Variants in UBE2E1 observed in about 807,000 individuals in gnomAD.
UBE2E1 encodes ubiquitin-conjugating enzyme E2 E1.
In UBE2E1, 6 loss-of-function variants were observed where a neutral mutation model predicts 21.4. The observed-to-expected ratio is 0.28, with a 90% CI of 0.15 to 0.55. The LOEUF is 0.55. UBE2E1 is among the 20% of genes least tolerant of loss of function. The pLI is 0.93. For synonymous variants in UBE2E1, 87 were observed against 82.7 expected, an observed-to-expected ratio of 1.05 and a Z score of -0.28; for missense variants, 142 against 236.5, an observed-to-expected ratio of 0.60 and a Z score of 2.62.
rs1408208914 is a variant in UBE2E1 at position 23,810,452 on chromosome 3, C to G, written c.153-1008C>G. 2.0e-6 allele frequency: 3 copies of G among 1,535,646 alleles called. No homozygotes were observed. The highest frequency in any genetic ancestry group is 2.6e-6 in the Non-Finnish European group (3 of 1,146,614). Reference sequence around the variant, plus strand: ...AAAACTGCAGGTCTCCAGTCTATCCCCAGTGTGAGCTAGAGAGCGGACCAT... The same window carrying G: ...AAAACTGCAGGTCTCCAGTCTATCCGCAGTGTGAGCTAGAGAGCGGACCAT... On this transcript the variant is annotated intron_variant, in intron 2 of 5. Coordinates refer to ENST00000306627, the MANE Select transcript of UBE2E1 (RefSeq NM_003341.5). This position sits in a 1 kb window ranked among gnomAD's most constrained non-coding sequence, Gnocchi z 5.8.
At chr3:23,861,950 A>C (rs1700566651) in intron 3 of UBE2E1, among the ~76,000 whole-genome samples, 1 of 152,252 alleles carries the variant, frequency 6.6e-6, no homozygotes, top group Non-Finnish European at 1.5e-5. Flanking sequence ...GCAGGGGTCT[A>C]ATTGAGCTGG....
intron 3 of UBE2E1, among the ~76,000 whole-genome samples, chr3:23,812,979 A>G (rs1444254264): frequency 3.5e-5 from 5 of 143,756 alleles, no homozygotes; most frequent in South Asian, 4.9e-4. Flanking sequence ...GAAGATTTTC[A>G]TGGGATTAAG....
chr3:23,824,771 T>G (rs1699720060), intron 3 of UBE2E1, among the ~76,000 whole-genome samples: 1 of 152,242 alleles, frequency 6.6e-6, no homozygotes, highest in Non-Finnish European at 1.5e-5. Context: ...CATGCATTTC[T>G]GACTTTCTCC....
chr3:23,822,597 T>A (rs993243685), intron 3 of UBE2E1, among the ~76,000 whole-genome samples: 2 of 152,208 alleles, frequency 1.3e-5, no homozygotes, highest in African/African-American at 2.4e-5. Context: ...GGTTCATGTA[T>A]TACATCTTGA....
In UBE2E1 at chr3:23,871,374, C is replaced by T. The variant is rs556699837; in HGVS notation, c.204-16193C>T. 1.3e-4 allele frequency among the ~76,000 whole-genome samples: 19 copies of T among 143,770 alleles called. 2 individuals are homozygous for T. In the East Asian group the frequency reaches 2.1e-3, roughly 16 times the overall value. The allele number at this position is 143,770 out of a possible 152,430, so 94.3% of individuals were successfully genotyped here. On this transcript the variant is annotated intron_variant, in intron 3 of 5. Coordinates refer to ENST00000306627, the MANE Select transcript of UBE2E1 (RefSeq NM_003341.5). ...TCACCTCCCGGACGGGGCGGCTGGC[C>T]GGGCGGGGGGCTGACCCCCCCACAC...
At position 23,810,536 on chromosome 3, in the gene UBE2E1, G is replaced by T. The variant is rs1317244749; in HGVS notation, c.153-924G>T. 2.0e-6 allele frequency: 3 copies of T among 1,534,252 alleles called. No individual in the cohort carries two copies. The highest frequency in any genetic ancestry group is 2.6e-6 in the Non-Finnish European group (3 of 1,145,854). ...ACGCCCGGGGAAAAGCAGGTCCGGG[G>T]AGGTGGGCCGAGAGTCCCGGCCAGC... On this transcript the variant is annotated intron_variant, in intron 2 of 5. Coordinates refer to ENST00000306627, the MANE Select transcript of UBE2E1 (RefSeq NM_003341.5). The surrounding 1 kb of genome is among the most constrained non-coding windows in gnomAD (Gnocchi z 5.8).
At chr3:23,827,564 A>G (rs1296771372) in intron 3 of UBE2E1, among the ~76,000 whole-genome samples, 1 of 152,214 alleles carries the variant, frequency 6.6e-6, no homozygotes, top group Admixed American at 6.5e-5. Context: ...TCTTAAGTGG[A>G]GAAGCTGGTA....
chr3:23,823,215 C>A lies in UBE2E1; in HGVS notation c.203+11705C>A, dbSNP rs1699682656. On this transcript the variant is annotated intron_variant, in intron 3 of 5. Coordinates refer to ENST00000306627, the MANE Select transcript of UBE2E1 (RefSeq NM_003341.5). The surrounding 1 kb of genome is among the most constrained non-coding windows in gnomAD (Gnocchi z 4.2). Reference sequence around the variant, plus strand: ...TTGGATATACTTAGAACTCTTAAAGCAATCATATAAGCATTGTCTTTTTAA... The same window carrying A: ...TTGGATATACTTAGAACTCTTAAAGAAATCATATAAGCATTGTCTTTTTAA... Among the ~76,000 whole-genome samples, 1 of 152,148 alleles carries A rather than the reference C, an allele frequency of 6.6e-6. No individual in the cohort carries two copies. Among genetic ancestry groups the A allele is most frequent in the Non-Finnish European group, 1.5e-5 (1 of 68,026 alleles).
At chr3:23,813,334 T>G (rs543875264) in intron 3 of UBE2E1, among the ~76,000 whole-genome samples, 27 of 152,328 alleles carry the variant, frequency 1.8e-4, no homozygotes, top group African/African-American at 6.5e-4. Context: ...TCTGAAGATA[T>G]TTTCCAGTGG....
chr3:23,811,330 G>GTAGT lies in UBE2E1; in HGVS notation c.153-128_153-125dup, dbSNP rs898028190. The GTAGT allele has an allele frequency of 4.9e-6, 4 of 815,414 alleles. No homozygotes were observed. In the African/African-American group the frequency reaches 6.9e-5, roughly 14 times the overall value. 50.5% of individuals were successfully genotyped at this position (815,414 alleles called of 1,614,324 possible). ...ACTAGGGACCTGAAGTTCTTGATGT[G>GTAGT]TAGTTCCTCTTTGCCCAGTAGAATC... On this transcript the variant is annotated intron_variant, in intron 2 of 5. Coordinates refer to ENST00000306627, the MANE Select transcript of UBE2E1 (RefSeq NM_003341.5).
In UBE2E1 at chr3:23,806,971, A is replaced by C; in HGVS notation, c.-33-266A>C. 9.0e-6 allele frequency: 2 copies of C among 223,282 alleles called. No individual in the cohort carries two copies. Among genetic ancestry groups the C allele is most frequent in the Non-Finnish European group, 8.7e-6 (1 of 115,128 alleles). The allele number at this position is 223,282 out of a possible 1,614,324, so 13.8% of individuals were successfully genotyped here. A position where few individuals can be genotyped will look rare whatever the true frequency, so the allele number is the denominator to read the frequency against. ...CTCCCGGGCTACTCCCTCCCTGCCC[A>C]GCGGAGAGCCCCGGGGGGCGAGGGA... On this transcript the variant is annotated intron_variant, in intron 1 of 5. Coordinates refer to ENST00000306627, the MANE Select transcript of UBE2E1 (RefSeq NM_003341.5). This position sits in a 1 kb window ranked among gnomAD's most constrained non-coding sequence, Gnocchi z 6.5.
chr3:23,846,459 G>T (rs1449613308), intron 3 of UBE2E1, among the ~76,000 whole-genome samples: 1 of 152,118 alleles, frequency 6.6e-6, no homozygotes, highest in African/African-American at 2.4e-5. Context: ...CACTTTGGGA[G>T]GCCGAGGTGG....
rs1699365963 is a variant in UBE2E1 at position 23,810,593 on chromosome 3, G to C, written c.153-867G>C. 1.4e-6 allele frequency: 2 copies of C among 1,457,090 alleles called. No homozygotes were observed. Among genetic ancestry groups the C allele is most frequent in the East Asian group, 2.5e-5 (1 of 40,012 alleles). 90.3% of individuals were successfully genotyped at this position (1,457,090 alleles called of 1,614,324 possible). A position where few individuals can be genotyped will look rare whatever the true frequency, so the allele number is the denominator to read the frequency against. ...GGCGGAGGCAGGGTCCGGTGCACCTGTGCGGCCGCGGGCCGGCCACTTGGG... is the reference window on the plus strand; with the variant it reads ...GGCGGAGGCAGGGTCCGGTGCACCTCTGCGGCCGCGGGCCGGCCACTTGGG... On this transcript the variant is annotated intron_variant, in intron 2 of 5. Transcript: ENST00000306627. This position sits in a 1 kb window ranked among gnomAD's most constrained non-coding sequence, Gnocchi z 5.8.
At chr3:23,807,468 CCT>C in intron 2 of UBE2E1, 47 bp downstream of exon 2, 1 of 1,589,576 alleles carries the variant, frequency 6.3e-7, no homozygotes, top group Non-Finnish European at 8.5e-7. Context: ...TTCCGAACTG[CCT>C]CTTGCTGCAT....
intron 3 of UBE2E1, among the ~76,000 whole-genome samples, chr3:23,833,309 G>A (rs1383960672): frequency 6.6e-6 from 1 of 152,156 alleles, no homozygotes; most frequent in South Asian, 2.1e-4. Context: ...TTTCTTGACA[G>A]TGAACTATTT....
rs571557304 is a variant in UBE2E1, at chr3:23,853,659, C to T, written c.204-33908C>T. On this transcript the variant is annotated intron_variant, in intron 3 of 5. Transcript: ENST00000306627. The surrounding 1 kb of genome is among the most constrained non-coding windows in gnomAD (Gnocchi z 4.1). Reference sequence around the variant, plus strand: ...GTTGGAGGGGAGAGGAGACACTTGTCCCTCTTAACTTGTTTCTTGGTAATG... The same window carrying T: ...GTTGGAGGGGAGAGGAGACACTTGTTCCTCTTAACTTGTTTCTTGGTAATG... 1.6e-4 allele frequency among the ~76,000 whole-genome samples: 25 copies of T among 151,976 alleles called. No individual in the cohort carries two copies. Among genetic ancestry groups the T allele is most frequent in the Non-Finnish European group, 3.4e-4 (23 of 68,006 alleles).
At chr3:23,829,252 C>T (rs1460926153) in intron 3 of UBE2E1, among the ~76,000 whole-genome samples, 2 of 151,152 alleles carry the variant, frequency 1.3e-5, no homozygotes, top group Non-Finnish European at 2.9e-5. Flanking sequence ...CCTTGAACTC[C>T]TGGGGTCAAG....
At chr3:23,885,880 CA>C (rs1340118984) in intron 3 of UBE2E1, among the ~76,000 whole-genome samples, 5 of 150,668 alleles carry the variant, frequency 3.3e-5, no homozygotes, top group African/African-American at 1.2e-4. Flanking sequence ...ACAAAAAAAA[CA>C]AAACAAACAA....
Position 23,806,889 on chromosome 3 carries a change from A to C in UBE2E1, c.-33-348A>C. On this transcript the variant is annotated intron_variant, in intron 1 of 5. Coordinates refer to ENST00000306627, the MANE Select transcript of UBE2E1 (RefSeq NM_003341.5). The surrounding 1 kb of genome is among the most constrained non-coding windows in gnomAD (Gnocchi z 6.5). ...GCCCCGAGGCCGGCCGGCCGCCGGG[A>C]CCTTCCCTCCCTGCCCCGCCGTGGC... 6.3e-6 allele frequency: 1 copy of C among 159,730 alleles called. No individual in the cohort carries two copies. The allele number at this position is 159,730 out of a possible 1,614,324, so 9.9% of individuals were successfully genotyped here.
Sources: allele counts gnomAD v4.1 joint callset (sites outside exome capture counted in the v4.1 genomes callset), GRCh38; gene constraint gnomAD v4.1.1; non-coding constraint Gnocchi (gnomAD v3.1); transcripts MANE v1.5; gene names NCBI Gene and HGNC (gene_info 2026-07-23, HGNC 2026-07-21).